SNTG1: variants seen among roughly 807,000 people sequenced by gnomAD.
SNTG1 encodes gamma-1-syntrophin.
Under a neutral mutation model 74.7 loss-of-function variants are expected in SNTG1, and 39 were observed. The observed-to-expected ratio is 0.52, with a 90% CI of 0.40 to 0.68. The LOEUF is 0.68. Among genes scored for constraint, SNTG1 ranks in the 30% least tolerant of loss-of-function variants. SNTG1 has a pLI of 0.00. For missense variants in SNTG1, 685 were observed against 609.5 expected (o/e 1.12, Z -1.30); for synonymous variants, 254 against 217.1 (o/e 1.17, Z -1.49).
chr8:50,133,703 C>A (rs766922635), intron 1 of SNTG1, among the ~76,000 whole-genome samples: 1 of 152,158 alleles, frequency 6.6e-6, no homozygotes. Context: ...TCCACTGGCA[C>A]ATGGCATCCT....
intron 15 of SNTG1, among the ~76,000 whole-genome samples, chr8:50,667,348 G>C (rs2095255617): frequency 6.6e-6 from 1 of 151,998 alleles, no homozygotes; most frequent in Admixed American, 6.6e-5. Context: ...TCTGTTTTCT[G>C]TTGCTATAAC....
At chr8:50,175,466 C>T (rs2082963594) in intron 2 of SNTG1, among the ~76,000 whole-genome samples, 1 of 152,146 alleles carries the variant, frequency 6.6e-6, no homozygotes, top group Admixed American at 6.5e-5. Flanking sequence ...TTGAAGGGGA[C>T]AGAGAGCAAA....
At chr8:50,356,451 T>C (rs2131037877) in intron 2 of SNTG1, among the ~76,000 whole-genome samples, 1 of 152,326 alleles carries the variant, frequency 6.6e-6, no homozygotes, top group South Asian at 2.1e-4. Flanking sequence ...CTCTATACTC[T>C]TTGTCTTAGT....
rs1399374757 is a variant in SNTG1, at chr8:50,450,670, C to T, written c.322-18C>T. 3 of 1,613,338 alleles carry T rather than the reference C, an allele frequency of 1.9e-6. No individual in the cohort carries two copies. The highest frequency in any genetic ancestry group is 1.7e-6 in the Non-Finnish European group (2 of 1,179,696). ...TTACAATATGCCATGGGAAACTATG[C>T]TTTTCTTTTCATTGCAGATAAATGG... On this transcript the variant is annotated intron_variant, in intron 7 of 18. Transcript: ENST00000642720.
At chr8:50,369,925 T>C (rs2092228844) in intron 2 of SNTG1, among the ~76,000 whole-genome samples, 1 of 152,160 alleles carries the variant, frequency 6.6e-6, no homozygotes, top group Non-Finnish European at 1.5e-5. Flanking sequence ...TCTGATTGGG[T>C]TTAAAGATGC....
chr8:50,318,234 C>G (rs756282899), intron 2 of SNTG1, among the ~76,000 whole-genome samples: 16 of 152,066 alleles, frequency 1.1e-4, no homozygotes, highest in Non-Finnish European at 2.2e-4. Flanking sequence ...GTTCTTGCAG[C>G]TGTTCTCAAC....
intron 9 of SNTG1, among the ~76,000 whole-genome samples, chr8:50,504,780 T>C (rs780588832): frequency 6.6e-6 from 1 of 152,182 alleles, no homozygotes; most frequent in Non-Finnish European, 1.5e-5. Flanking sequence ...AATAAATAAA[T>C]AATTAATTAA....
At chr8:50,276,582 T>A (rs2088127596) in intron 2 of SNTG1, among the ~76,000 whole-genome samples, 1 of 152,026 alleles carries the variant, frequency 6.6e-6, no homozygotes, top group African/African-American at 2.4e-5. Flanking sequence ...GGCAAGACAC[T>A]GATTAAACCC....
intron 15 of SNTG1, among the ~76,000 whole-genome samples, chr8:50,695,487 C>CTTAT (rs35894305): frequency 0.58 from 86,734 of 149,416 alleles, 27,238 homozygotes; most frequent in Non-Finnish European, 0.69. Flanking sequence ...TTTTTTATTT[C>CTTAT]TTATTTATTT....
chr8:50,717,489 A>G (rs753720160), intron 17 of SNTG1, among the ~76,000 whole-genome samples: 91 of 152,374 alleles, frequency 6.0e-4, no homozygotes, highest in Non-Finnish European at 1.1e-3. Flanking sequence ...TAAAAATAAT[A>G]AACTGTAAAA....
chr8:50,287,059 A>G (rs2088828083), intron 2 of SNTG1, among the ~76,000 whole-genome samples: 1 of 151,960 alleles, frequency 6.6e-6, no homozygotes, highest in African/African-American at 2.4e-5. Context: ...GACCAACCTG[A>G]CTGTTACTCC....
intron 12 of SNTG1, among the ~76,000 whole-genome samples, chr8:50,571,073 C>A (rs925915742): frequency 6.6e-6 from 1 of 152,182 alleles, no homozygotes; most frequent in Non-Finnish European, 1.5e-5. Flanking sequence ...CCCTCTGCCT[C>A]CACCACCCTT....
intron 18 of SNTG1, among the ~76,000 whole-genome samples, chr8:50,789,276 C>T (rs2095684661): frequency 6.6e-6 from 1 of 151,884 alleles, no homozygotes; most frequent in Non-Finnish European, 1.5e-5. Flanking sequence ...TACAAGACTC[C>T]CGGGTTTTGC....
At chr8:50,641,341 C>T (rs548599321) in intron 13 of SNTG1, among the ~76,000 whole-genome samples, 6 of 152,224 alleles carry the variant, frequency 3.9e-5, no homozygotes, top group East Asian at 1.9e-4. Context: ...TTGAAGCAAT[C>T]GGAGGAGAAC....
At chr8:50,369,565 C>T (rs947239068) in intron 2 of SNTG1, among the ~76,000 whole-genome samples, 3 of 151,380 alleles carry the variant, frequency 2.0e-5, no homozygotes, top group Admixed American at 6.6e-5. Context: ...CATTGCACCC[C>T]AGCCTGGGCA....
At chr8:50,659,218 A>C (rs1299240089) in intron 15 of SNTG1, among the ~76,000 whole-genome samples, 1 of 152,206 alleles carries the variant, frequency 6.6e-6, no homozygotes, top group African/African-American at 2.4e-5. Flanking sequence ...GATTATTACA[A>C]TATCAAGCCA....
intron 1 of SNTG1, among the ~76,000 whole-genome samples, chr8:49,938,643 C>CTTTG (rs1563371305): frequency 1.3e-4 from 14 of 106,332 alleles, no homozygotes; most frequent in African/African-American, 4.9e-4. Context: ...TTCTTTCTTT[C>CTTTG]CTTCCTCTCT....
At chr8:50,007,120 G>T (rs1815312354) in intron 1 of SNTG1, among the ~76,000 whole-genome samples, 1 of 152,068 alleles carries the variant, frequency 6.6e-6, no homozygotes, top group Admixed American at 6.5e-5. Flanking sequence ...CCCTCTACTG[G>T]TTTGCCTCAA....
chr8:50,583,524 G>A (rs1343128024), intron 12 of SNTG1, among the ~76,000 whole-genome samples: 2 of 152,008 alleles, frequency 1.3e-5, no homozygotes, highest in South Asian at 2.1e-4. Context: ...CTCAGCCTCA[G>A]TTCCTTTTTG....
Sources: allele counts gnomAD v4.1 joint callset (sites outside exome capture counted in the v4.1 genomes callset), GRCh38; gene constraint gnomAD v4.1.1; transcripts MANE v1.5; gene names NCBI Gene and HGNC (gene_info 2026-07-23, HGNC 2026-07-21).